ADGRB3: variants seen among roughly 807,000 people sequenced by gnomAD.
The protein encoded by ADGRB3 is adhesion G protein-coupled receptor B3.
ADGRB3 carries 37 observed loss-of-function variants against 193.4 expected under a neutral mutation model. The observed-to-expected ratio is 0.19, with a 90% confidence interval of 0.15 to 0.25. The LOEUF is 0.25. ADGRB3 is among the 10% of genes least tolerant of loss of function. The probability of loss-of-function intolerance (pLI) is 1.00; values close to 1 mark genes in which losing one functional copy is unlikely to be tolerated. For missense variants in ADGRB3, 1,637 were observed against 1,852.9 expected (o/e 0.88, Z 2.14); for synonymous variants, 690 against 644.2 (o/e 1.07, Z -1.08).
chr6:69,135,301 T>C (rs1774120114), intron 17 of ADGRB3, among the ~76,000 whole-genome samples: 1 of 145,546 alleles, frequency 6.9e-6, no homozygotes, highest in Non-Finnish European at 1.5e-5. Context: ...TTTTTTTTTT[T>C]AGTGGAGATT....
intron 3 of ADGRB3, among the ~76,000 whole-genome samples, chr6:68,804,185 A>T (rs1421908730): frequency 1.3e-5 from 2 of 152,160 alleles, no homozygotes; most frequent in East Asian, 3.8e-4. Flanking sequence ...TTTTGTAGTA[A>T]CTACACCAGA....
At chr6:69,314,851 A>C (rs1768278527) in intron 20 of ADGRB3, among the ~76,000 whole-genome samples, 1 of 151,576 alleles carries the variant, frequency 6.6e-6, no homozygotes, top group Non-Finnish European at 1.5e-5. Flanking sequence ...TTTTTCATTT[A>C]ATTTTATGAA....
intron 3 of ADGRB3, among the ~76,000 whole-genome samples, chr6:68,917,990 T>C (rs1246005062): frequency 1.3e-5 from 2 of 152,236 alleles, no homozygotes; most frequent in Non-Finnish European, 2.9e-5. Context: ...ACTAGGAGGA[T>C]ATACTCTTAT....
At chr6:69,040,696 A>AAAAAAAAAAAAAAC (rs1419091899) in intron 13 of ADGRB3, among the ~76,000 whole-genome samples, 1 of 145,242 alleles carries the variant, frequency 6.9e-6, no homozygotes, top group South Asian at 2.1e-4. Context: ...AAAAAAAAAA[A>AAAAAAAAAAAAAAC]AAAAAAAAAA....
chr6:68,771,627 A>T (rs1031450380), intron 3 of ADGRB3, among the ~76,000 whole-genome samples: 3 of 152,158 alleles, frequency 2.0e-5, no homozygotes, highest in African/African-American at 4.8e-5. Context: ...GCTCAGTGAG[A>T]TTACATTCTA....
At chr6:69,243,187 C>T (rs1253298224) in intron 20 of ADGRB3, among the ~76,000 whole-genome samples, 1 of 151,866 alleles carries the variant, frequency 6.6e-6, no homozygotes, top group African/African-American at 2.4e-5. Context: ...GATAGCTTCT[C>T]TCTCTCACAA....
intron 3 of ADGRB3, among the ~76,000 whole-genome samples, chr6:68,769,731 T>A (rs1336015360): frequency 6.6e-6 from 1 of 152,098 alleles, no homozygotes; most frequent in Non-Finnish European, 1.5e-5. Context: ...AAATTTGAGA[T>A]TCTTTAAGTT....
At chr6:69,343,634 T>A (rs999339464) in intron 26 of ADGRB3, among the ~76,000 whole-genome samples, 1 of 152,116 alleles carries the variant, frequency 6.6e-6, no homozygotes, top group Non-Finnish European at 1.5e-5. Flanking sequence ...TTTATAAAAT[T>A]TATATTCTTG....
chr6:68,661,848 C>T (rs1582106256), intron 3 of ADGRB3, among the ~76,000 whole-genome samples: 1 of 150,962 alleles, frequency 6.6e-6, no homozygotes, highest in East Asian at 2.0e-4. Flanking sequence ...AACCAGATGC[C>T]TTAATGGGAC....
At chr6:68,871,209 A>G (rs1765446327) in intron 3 of ADGRB3, among the ~76,000 whole-genome samples, 1 of 152,232 alleles carries the variant, frequency 6.6e-6, no homozygotes, top group Non-Finnish European at 1.5e-5. Context: ...TAGAAAAAGC[A>G]TTTAAGATTT....
rs758154714 is a variant in ADGRB3, at chr6:69,338,996, C to A, written c.3269C>A (p.Thr1090Asn). 2 of 1,613,770 alleles carry A rather than the reference C, an allele frequency of 1.2e-6. No individual in the cohort carries two copies. Among genetic ancestry groups the A allele is most frequent in the South Asian group, 1.1e-5 (1 of 91,080 alleles). The change falls in exon 25 of 32, where the codon ACC (threonine) becomes AAC (asparagine). Residue 1090 changes from threonine (T) to asparagine (N), a missense_variant. By Grantham distance (65) the Thr-to-Asn change is moderately conservative. Around this residue, in one of 7 missense-constraint regions of ADGRB3, gnomAD observed 56 missense variants for 53.3 expected, o/e 1.05. Coordinates refer to ENST00000370598, the MANE Select transcript of ADGRB3 (RefSeq NM_001704.3). ...GTTTCAACAACAGCTTTGTCAGCCACCACCGCCAGTAACGCCATGTTAGTC... is the reference window on the plus strand; with the variant it reads ...GTTTCAACAACAGCTTTGTCAGCCAACACCGCCAGTAACGCCATGTTAGTC... Reference protein sequence around the residue: ...GVVSTTALSATTASNAMASLW... With the variant: ...GVVSTTALSANTASNAMASLW...
intron 17 of ADGRB3, among the ~76,000 whole-genome samples, chr6:69,159,648 G>A (rs973288657): frequency 6.6e-6 from 1 of 152,058 alleles, no homozygotes. Context: ...ATATACATTT[G>A]TTCATGGAGT....
At chr6:69,081,724 T>G (rs796294572) in intron 17 of ADGRB3, among the ~76,000 whole-genome samples, 12 of 152,204 alleles carry the variant, frequency 7.9e-5, no homozygotes, top group African/African-American at 2.9e-4. Context: ...ATCATAGATT[T>G]TATGATTTTA....
intron 3 of ADGRB3, among the ~76,000 whole-genome samples, chr6:68,781,773 A>T (rs1234226307): frequency 6.6e-6 from 1 of 152,002 alleles, no homozygotes; most frequent in Non-Finnish European, 1.5e-5. Context: ...GGGCTCCTGG[A>T]TCCCAAGAAG....
At chr6:68,941,938 A>ATT (rs2150250573) in intron 5 of ADGRB3, among the ~76,000 whole-genome samples, 1 of 150,878 alleles carries the variant, frequency 6.6e-6, no homozygotes, top group African/African-American at 2.4e-5. Flanking sequence ...ATATATATAT[A>ATT]TCAATGGATA....
intron 3 of ADGRB3, among the ~76,000 whole-genome samples, chr6:68,877,730 T>C (rs988484661): frequency 6.6e-6 from 1 of 152,156 alleles, no homozygotes; most frequent in African/African-American, 2.4e-5. Flanking sequence ...TAGTGAGAGA[T>C]GAAAGGGCAA....
intron 30 of ADGRB3, 94 bp from the exon 31 acceptor site, chr6:69,382,737 T>C (rs1769975664): frequency 1.1e-5 from 9 of 833,194 alleles, no homozygotes; most frequent in African/African-American, 1.8e-5. Context: ...CCAAACTTGA[T>C]TACCCTTATT....
chr6:69,332,291 A>G, intron 23 of ADGRB3: 6 of 985,400 alleles, frequency 6.1e-6, no homozygotes, highest in Non-Finnish European at 6.0e-6. Flanking sequence ...TAGAAAGAAA[A>G]TGATAGAACT....
chr6:68,729,042 C>T (rs961801754), intron 3 of ADGRB3, among the ~76,000 whole-genome samples: 1 of 151,474 alleles, frequency 6.6e-6, no homozygotes, highest in African/African-American at 2.4e-5. Context: ...AATTAGAGGA[C>T]ATAAGATAGA....
Sources: allele counts gnomAD v4.1 joint callset (sites outside exome capture counted in the v4.1 genomes callset), GRCh38; gene constraint gnomAD v4.1.1; regional missense constraint gnomAD v4.1.1; transcripts MANE v1.5; gene names NCBI Gene and HGNC (gene_info 2026-07-23, HGNC 2026-07-21).